MAGI1: variants seen among roughly 807,000 people sequenced by gnomAD.
MAGI1 encodes membrane associated guanylate kinase, WW and PDZ domain containing 1.
MAGI1 carries 58 observed loss-of-function variants against 139.9 expected under a neutral mutation model. The observed-to-expected ratio is 0.41, with a 90% CI of 0.34 to 0.52. The LOEUF (loss-of-function observed/expected upper bound fraction) is 0.52, where lower values mean the gene tolerates loss of function less well. Ranked by LOEUF, MAGI1 falls within the 20% of genes least tolerant of loss-of-function variation. MAGI1 has a pLI of 0.12. For synonymous variants in MAGI1, 812 were observed against 737.9 expected (o/e 1.10, Z -1.63); for missense variants, 1,874 against 1,901.6 (o/e 0.99, Z 0.27).
intron 2 of MAGI1, among the ~76,000 whole-genome samples, chr3:65,592,976 T>C (rs765262589): frequency 2.0e-5 from 3 of 152,122 alleles, no homozygotes; most frequent in Non-Finnish European, 4.4e-5. Flanking sequence ...GGGGCTATGA[T>C]TCCCCAGTGC....
intron 1 of MAGI1, among the ~76,000 whole-genome samples, chr3:65,686,291 T>TTTTG (rs528874310): frequency 3.3e-5 from 5 of 152,034 alleles, no homozygotes; most frequent in Admixed American, 6.6e-5. Flanking sequence ...AGGGGTGTTT[T>TTTTG]TTTGTTTGTT....
At chr3:65,737,037 G>A (rs1017951776) in intron 1 of MAGI1, among the ~76,000 whole-genome samples, 1 of 150,220 alleles carries the variant, frequency 6.7e-6, no homozygotes, top group East Asian at 2.0e-4. Flanking sequence ...ACGGAGTCTC[G>A]CTCTGTCCCT....
intron 1 of MAGI1, among the ~76,000 whole-genome samples, chr3:65,683,863 A>G (rs1559783902): frequency 6.6e-6 from 1 of 152,028 alleles, no homozygotes; most frequent in African/African-American, 2.4e-5. Context: ...GTAAAATAGT[A>G]TAGCCACTCT....
chr3:65,926,649 C>T, intron 1 of MAGI1, among the ~76,000 whole-genome samples: 1 of 152,272 alleles, frequency 6.6e-6, no homozygotes, highest in Middle Eastern at 3.4e-3. Context: ...TACACTCCCA[C>T]CAGTAACATG....
In MAGI1 at chr3:66,037,979, G is replaced by A. The variant is rs749903658; in HGVS notation, c.313+17C>T. 1 of 1,532,182 alleles carries A rather than the reference G, an allele frequency of 6.5e-7. No homozygotes were observed. The highest frequency in any genetic ancestry group is 1.3e-5 in the South Asian group (1 of 78,148). 94.9% of individuals were successfully genotyped at this position (1,532,182 alleles called of 1,614,324 possible). On this transcript the variant is annotated intron_variant, in intron 1 of 22. Transcript: ENST00000402939. The stretch of plus-strand genomic sequence containing the variant: ...TCCTTTTCTCGGGGCGCCCCCCAAA[G>A]GCGCGCCCTGCCTTACCTTGTCTGA...
chr3:65,418,672 C>T (rs1451536046), intron 12 of MAGI1, among the ~76,000 whole-genome samples: 7 of 152,244 alleles, frequency 4.6e-5, no homozygotes, highest in African/African-American at 1.4e-4. Context: ...TACACAAGAA[C>T]GCTGTGGTAT....
At chr3:65,701,805 T>C (rs2089631819) in intron 1 of MAGI1, among the ~76,000 whole-genome samples, 1 of 151,936 alleles carries the variant, frequency 6.6e-6, no homozygotes, top group Admixed American at 6.6e-5. Context: ...GATATATGAA[T>C]CAGAGACAGC....
chr3:65,505,098 G>A (rs191507287), intron 2 of MAGI1, among the ~76,000 whole-genome samples: 63 of 152,180 alleles, frequency 4.1e-4, no homozygotes, highest in African/African-American at 1.5e-3. Flanking sequence ...ATACCCTAGC[G>A]CTAAAAGTTG....
At chr3:65,364,412 C>T (rs1370222842) in intron 20 of MAGI1, among the ~76,000 whole-genome samples, 1 of 152,150 alleles carries the variant, frequency 6.6e-6, no homozygotes, top group Non-Finnish European at 1.5e-5. Flanking sequence ...CTTTCTCTAA[C>T]TGCCGATCCT....
chr3:65,658,514 G>C (rs766887276), intron 1 of MAGI1, among the ~76,000 whole-genome samples: 1 of 152,208 alleles, frequency 6.6e-6, no homozygotes, highest in Non-Finnish European at 1.5e-5. Flanking sequence ...GAATTCTTCA[G>C]ACCAGTTCTT....
intron 1 of MAGI1, among the ~76,000 whole-genome samples, chr3:65,878,478 T>C (rs972026437): frequency 6.9e-6 from 1 of 145,104 alleles, no homozygotes; most frequent in Non-Finnish European, 1.5e-5. Flanking sequence ...ATTGCGCTAT[T>C]GCACTCCAGC....
intron 2 of MAGI1, among the ~76,000 whole-genome samples, chr3:65,497,179 A>G (rs1264455707): frequency 6.6e-6 from 1 of 152,210 alleles, no homozygotes; most frequent in Admixed American, 6.5e-5. Context: ...TGATCAGTTG[A>G]TTAGTAAACC....
intron 2 of MAGI1, among the ~76,000 whole-genome samples, chr3:65,600,700 C>G (rs536908010): frequency 1.1e-4 from 17 of 152,278 alleles, no homozygotes; most frequent in African/African-American, 3.6e-4. Context: ...TTTAGAGAGG[C>G]AGTGAAATGT....
At chr3:65,527,656 C>T (rs536585556) in intron 2 of MAGI1, among the ~76,000 whole-genome samples, 10 of 152,224 alleles carry the variant, frequency 6.6e-5, no homozygotes, top group African/African-American at 2.2e-4. Flanking sequence ...ACCCGGGGGG[C>T]AGAGCTTGCA....
chr3:65,515,775 T>C (rs2077841009), intron 2 of MAGI1, among the ~76,000 whole-genome samples: 1 of 152,206 alleles, frequency 6.6e-6, no homozygotes, highest in South Asian at 2.1e-4. Context: ...CAGGCTTCAT[T>C]GTAATCAACA....
intron 1 of MAGI1, among the ~76,000 whole-genome samples, chr3:65,963,126 T>C (rs1166105549): frequency 1.4e-5 from 2 of 139,366 alleles, no homozygotes; most frequent in Admixed American, 7.1e-5. Flanking sequence ...AGCTTAGGAG[T>C]TCGAAAACAG....
At chr3:65,522,232 T>A (rs2078195423) in intron 2 of MAGI1, among the ~76,000 whole-genome samples, 1 of 152,140 alleles carries the variant, frequency 6.6e-6, no homozygotes, top group Admixed American at 6.5e-5. Context: ...TTCTCAAAGG[T>A]GTTGAATATG....
chr3:65,782,272 T>C (rs1440336376), intron 1 of MAGI1, among the ~76,000 whole-genome samples: 1 of 152,150 alleles, frequency 6.6e-6, no homozygotes, highest in Non-Finnish European at 1.5e-5. Flanking sequence ...CTGTAAAAGA[T>C]AAGACTGTAG....
intron 1 of MAGI1, among the ~76,000 whole-genome samples, chr3:65,868,407 T>C (rs1277568801): frequency 6.6e-6 from 1 of 152,110 alleles, no homozygotes; most frequent in African/African-American, 2.4e-5. Context: ...ACACACCAAA[T>C]GTTGACGGGT....
Sources: allele counts gnomAD v4.1 joint callset (sites outside exome capture counted in the v4.1 genomes callset), GRCh38; gene constraint gnomAD v4.1.1; transcripts MANE v1.5; gene names NCBI Gene and HGNC (gene_info 2026-07-23, HGNC 2026-07-21).